Variants in GULP1 observed in about 807,000 individuals in gnomAD.
The protein encoded by GULP1 is PTB domain-containing engulfment adapter protein 1.
GULP1 carries 19 observed loss-of-function variants against 40.9 expected under a neutral mutation model. That is an observed-to-expected ratio of 0.46 (90% CI 0.32 to 0.68). The LOEUF is 0.68. Among genes scored for constraint, GULP1 ranks in the 30% least tolerant of loss-of-function variants. The pLI is 0.03. For missense variants in GULP1, 312 were observed against 362.2 expected (o/e 0.86, Z 1.12); for synonymous variants, 119 against 117.6 (o/e 1.01, Z -0.08).
intron 2 of GULP1, among the ~76,000 whole-genome samples, chr2:188,414,810 T>C (rs867444787): frequency 3.3e-5 from 5 of 152,340 alleles, no homozygotes; most frequent in Middle Eastern, 3.4e-3. Flanking sequence ...TTCTGGTCTT[T>C]GGAAAACAAA....
At chr2:188,436,626 AT>A (rs1362728202) in intron 2 of GULP1, among the ~76,000 whole-genome samples, 1 of 152,098 alleles carries the variant, frequency 6.6e-6, no homozygotes, top group East Asian at 1.9e-4. Context: ...AGACATTAAA[AT>A]TTGTATTAAA....
At chr2:188,509,012 G>A (rs1575676088) in intron 4 of GULP1, among the ~76,000 whole-genome samples, 1 of 152,050 alleles carries the variant, frequency 6.6e-6, no homozygotes, top group African/African-American at 2.4e-5. Flanking sequence ...AGAATTCAAA[G>A]CTTAAGTCCA....
chr2:188,515,076 G>A (rs2065038243), intron 4 of GULP1, among the ~76,000 whole-genome samples: 2 of 152,268 alleles, frequency 1.3e-5, no homozygotes, highest in African/African-American at 2.4e-5. Flanking sequence ...CAAGAGTGCA[G>A]TTGCTGCATC....
At chr2:188,582,445 C>T (rs762507126) in intron 9 of GULP1, 2 of 471,658 alleles carry the variant, frequency 4.2e-6, no homozygotes, top group Non-Finnish European at 8.8e-6. Flanking sequence ...ATATTTCTTC[C>T]ATCTCTGTCA....
At chr2:188,588,950 A>C (rs1702968218) in intron 11 of GULP1, 1 of 152,100 alleles carries the variant, frequency 6.6e-6, no homozygotes, top group Non-Finnish European at 1.5e-5. Flanking sequence ...TCTAGATGTA[A>C]TAACATGCCT....
intron 1 of GULP1, among the ~76,000 whole-genome samples, chr2:188,311,751 T>A (rs911338594): frequency 4.7e-5 from 7 of 147,982 alleles, no homozygotes; most frequent in African/African-American, 1.7e-4. Context: ...AATATTTATA[T>A]GTATATAATA....
chr2:188,516,345 TGTC>T (rs1471195053), intron 4 of GULP1, among the ~76,000 whole-genome samples: 1 of 152,178 alleles, frequency 6.6e-6, no homozygotes, highest in East Asian at 1.9e-4. Context: ...AGAAGTCTGA[TGTC>T]ATTCATATTT....
At chr2:188,499,912 C>T (rs1395030723) in intron 4 of GULP1, among the ~76,000 whole-genome samples, 1 of 151,676 alleles carries the variant, frequency 6.6e-6, no homozygotes, top group Non-Finnish European at 1.5e-5. Context: ...GAATGATTGG[C>T]TCTTAATCCA....
intron 1 of GULP1, among the ~76,000 whole-genome samples, chr2:188,367,192 G>T (rs2046921820): frequency 6.6e-6 from 1 of 152,144 alleles, no homozygotes; most frequent in Non-Finnish European, 1.5e-5. Context: ...TTGGTTAAAT[G>T]AATACATTTC....
chr2:188,383,108 A>T (rs2049217231), intron 1 of GULP1, among the ~76,000 whole-genome samples: 1 of 152,184 alleles, frequency 6.6e-6, no homozygotes, highest in African/African-American at 2.4e-5. Context: ...TATGCTGTGA[A>T]TTCTGGTACT....
At chr2:188,510,854 G>T (rs568946992) in intron 4 of GULP1, among the ~76,000 whole-genome samples, 69 of 151,660 alleles carry the variant, frequency 4.5e-4, no homozygotes, top group African/African-American at 1.6e-3. Context: ...TGTTGGTAAG[G>T]ATTGTAGCTG....
intron 2 of GULP1, among the ~76,000 whole-genome samples, chr2:188,434,371 A>G (rs1320459926): frequency 6.6e-6 from 1 of 151,354 alleles, no homozygotes; most frequent in Admixed American, 6.6e-5. Context: ...TGAGTAGAAT[A>G]TGTCTCCTTC....
At chr2:188,362,990 A>G (rs1019994418) in intron 1 of GULP1, among the ~76,000 whole-genome samples, 3 of 152,112 alleles carry the variant, frequency 2.0e-5, no homozygotes, top group African/African-American at 7.2e-5. Flanking sequence ...AAAAATATGA[A>G]TCGTAAAGAA....
At chr2:188,386,332 T>C (rs1012854227) in intron 2 of GULP1, among the ~76,000 whole-genome samples, 8 of 152,144 alleles carry the variant, frequency 5.3e-5, no homozygotes, top group East Asian at 1.9e-4. Context: ...CCCACCTCCA[T>C]GGTTCAATCA....
intron 2 of GULP1, among the ~76,000 whole-genome samples, chr2:188,392,998 T>C (rs780197973): frequency 3.9e-5 from 6 of 152,094 alleles, no homozygotes; most frequent in Admixed American, 6.6e-5. Flanking sequence ...TTCTGTGGCC[T>C]ACCATATGGT....
intron 2 of GULP1, among the ~76,000 whole-genome samples, chr2:188,447,226 G>A (rs994362274): frequency 3.9e-5 from 6 of 152,160 alleles, no homozygotes; most frequent in African/African-American, 7.2e-5. Flanking sequence ...AAGCCTCCAT[G>A]TAACAGGCTT....
rs1356479526 is a variant in GULP1 at position 188,566,294 on chromosome 2, A to G, written c.400-2945A>G. Among the ~76,000 whole-genome samples, 3 of 152,132 alleles carry G rather than the reference A, an allele frequency of 2.0e-5. No individual in the cohort carries two copies. The East Asian group carries it at 5.8e-4, about 29-fold the overall frequency. The stretch of plus-strand genomic sequence containing the variant: ...TCATATGTATTGTGGGGTAATAATA[A>G]TCCTTACTTCAGAGCCATGATGAGA... On this transcript the variant is annotated intron_variant, in intron 7 of 11. Coordinates refer to ENST00000409830, the MANE Select transcript of GULP1 (RefSeq NM_016315.4).
chr2:188,477,742 C>A lies in GULP1; in HGVS notation c.28+12C>A. The A allele has an allele frequency of 6.3e-7, 1 of 1,591,562 alleles. No individual in the cohort carries two copies. Among genetic ancestry groups the A allele is most frequent in the South Asian group, 1.1e-5 (1 of 88,210 alleles). On this transcript the variant is annotated intron_variant, in intron 3 of 11. Coordinates refer to ENST00000409830, the MANE Select transcript of GULP1 (RefSeq NM_016315.4). ...TAGCAGGAAGAAAGGTAAGTGTGGT[C>A]ATTTTTTAAAACTTGGGAGTCAAGC...
chr2:188,338,494 G>A (rs894610385), intron 1 of GULP1, among the ~76,000 whole-genome samples: 5 of 151,802 alleles, frequency 3.3e-5, no homozygotes, highest in South Asian at 2.1e-4. Context: ...TTGTAGTGAC[G>A]GGGTCTTGCT....
Sources: gnomAD v4.1 joint callset for allele counts (sites outside exome capture counted in the v4.1 genomes callset) on GRCh38, gnomAD v4.1.1 for gene constraint, MANE v1.5 for transcripts, NCBI Gene and HGNC (gene_info 2026-07-23, HGNC 2026-07-21) for gene names.